The following EXOC1 variants were observed in gnomAD, a reference collection of about 807,000 sequenced individuals.
EXOC1 encodes exocyst complex component 1, also known as SEC3-like 1.
In EXOC1, 67 loss-of-function variants were observed where a neutral mutation model predicts 107.7. The ratio of observed to expected loss-of-function variants is 0.62; its 90% confidence interval spans 0.51 to 0.76. The LOEUF is 0.76. Ranked by LOEUF, EXOC1 falls within the 30% of genes least tolerant of loss-of-function variation. The pLI is 0.00. For synonymous variants in EXOC1, 348 were observed against 353.5 expected (o/e 0.98, Z 0.17); for missense variants, 833 against 1,055.7 (o/e 0.79, Z 2.92).
At chr4:55,864,437 A>G (rs919271128) in intron 4 of EXOC1, 51 bp downstream of exon 4, 2 of 1,417,672 alleles carry the variant, frequency 1.4e-6, no homozygotes, top group Non-Finnish European at 1.9e-6. Flanking sequence ...CTTTAAGTGA[A>G]TATATAATTT....
At chr4:55,871,053 A>G in intron 6 of EXOC1, 48 bp from the exon 7 acceptor site, 1 of 1,599,602 alleles carries the variant, frequency 6.3e-7, no homozygotes, top group South Asian at 1.1e-5. Flanking sequence ...CTTGCCTGTA[A>G]ATTTCCCAAA....
At chr4:55,886,164 T>C (rs1388758721) in intron 10 of EXOC1, among the ~76,000 whole-genome samples, 9 of 152,194 alleles carry the variant, frequency 5.9e-5, no homozygotes, top group African/African-American at 1.9e-4. Context: ...GTTTTCACCA[T>C]GTTTAAGGTA....
chr4:55,892,528 A>T, intron 13 of EXOC1, 107 bp from the exon 14 acceptor site: 2 of 812,234 alleles, frequency 2.5e-6, no homozygotes, highest in South Asian at 1.6e-5. Flanking sequence ...TATTTTTCAT[A>T]ATGTATTCTT....
At chr4:55,863,905 T>C (rs1387676097) in intron 3 of EXOC1, among the ~76,000 whole-genome samples, 3 of 152,174 alleles carry the variant, frequency 2.0e-5, no homozygotes, top group Non-Finnish European at 4.4e-5. Context: ...TAGGTCCATG[T>C]CAAAGCTAGA....
In EXOC1 at chr4:55,891,352, G is replaced by A. The variant is rs199752108; in HGVS notation, c.1577G>A (p.Cys526Tyr). ...GTACTAAGTGAACTGGAGCCCCTATGTCTGGCAGAACAGGACTTCATAAGT... is the reference window on the plus strand; with the variant it reads ...GTACTAAGTGAACTGGAGCCCCTATATCTGGCAGAACAGGACTTCATAAGT... ...EQVLSELEPL[C>Y]LAEQDFISKF... is the part of the protein sequence containing the mutation. The change falls in exon 13 of 19, where the codon TGT becomes TAT. Residue 526 changes from cysteine (C) to tyrosine (Y), a missense_variant. Cys to Tyr is a radical substitution (Grantham distance 194). Around this residue, in one of 2 missense-constraint regions of EXOC1, gnomAD observed 617 missense variants for 701.3 expected, o/e 0.88. Transcript: ENST00000381295. The A allele has an allele frequency of 6.2e-7, 1 of 1,613,986 alleles. No homozygotes were observed. The highest frequency in any genetic ancestry group is 2.2e-5 in the East Asian group (1 of 44,830).
intron 16 of EXOC1, among the ~76,000 whole-genome samples, chr4:55,897,408 C>T (rs2109491636): frequency 6.6e-6 from 1 of 152,180 alleles, no homozygotes; most frequent in East Asian, 1.9e-4. Flanking sequence ...TAACCTTAAG[C>T]AAATCAATTC....
chr4:55,870,864 A>G lies in EXOC1; in HGVS notation c.790A>G (p.Thr264Ala). ...CAACCACCTAATTCATCTTAGTAAC[A>G]CTAATAATGTAAAACTCCTATCTGA... ...ESNHLIHLSN[T>A]NNVKLLSEIE... Residue 264 changes from threonine (T) to alanine (A), a missense_variant, in exon 6 of 19, where the codon ACT (threonine) becomes GCT (alanine). This residue lies in a region of EXOC1 where 617 missense variants were observed against 701.3 expected (regional missense o/e 0.88). Coordinates refer to ENST00000381295, the MANE Select transcript of EXOC1 (RefSeq NM_001024924.2). 6.2e-7 allele frequency: 1 copy of G among 1,613,880 alleles called. No homozygotes were observed. Among genetic ancestry groups the G allele is most frequent in the Non-Finnish European group, 8.5e-7 (1 of 1,179,880 alleles).
At chr4:55,892,902 C>T (rs1238233016) in intron 14 of EXOC1, among the ~76,000 whole-genome samples, 191 bp downstream of exon 14, 1 of 152,110 alleles carries the variant, frequency 6.6e-6, no homozygotes, top group Non-Finnish European at 1.5e-5. Context: ...TTCAACTCTT[C>T]CTTGCTCCAG....
chr4:55,898,003 C>T (rs965557541), intron 16 of EXOC1, among the ~76,000 whole-genome samples: 4 of 152,134 alleles, frequency 2.6e-5, no homozygotes, highest in African/African-American at 7.2e-5. Context: ...CACCTGTAAT[C>T]GCAGCACTTT....
At chr4:55,877,420 A>G (rs761009672) in intron 8 of EXOC1, 15 of 985,302 alleles carry the variant, frequency 1.5e-5, no homozygotes, top group Non-Finnish European at 1.8e-5. Flanking sequence ...TAAGACTCAG[A>G]TGACCAAGGT....
intron 3 of EXOC1, 124 bp downstream of exon 3, chr4:55,860,665 G>A: frequency 7.9e-7 from 1 of 1,260,826 alleles, no homozygotes; most frequent in East Asian, 2.8e-5. Flanking sequence ...TTATTTTTTT[G>A]CTTTTTTTAA....
At chr4:55,864,907 G>T (rs1406759613) in intron 4 of EXOC1, among the ~76,000 whole-genome samples, 7 of 152,140 alleles carry the variant, frequency 4.6e-5, no homozygotes, top group African/African-American at 7.2e-5. Flanking sequence ...AGATGTAGTG[G>T]TTAAGAACAT....
chr4:55,876,623 G>A, intron 8 of EXOC1: 1 of 985,332 alleles, frequency 1.0e-6, no homozygotes, highest in African/African-American at 1.7e-5. Context: ...TGTGGTAGCT[G>A]TGAACTTCTG....
Position 55,860,341 on chromosome 4 carries a change from T to TG in EXOC1, c.125-69dup. 2.5e-6 allele frequency: 4 copies of TG among 1,587,456 alleles called. No homozygotes were observed. In the South Asian group the frequency reaches 4.5e-5, roughly 18 times the overall value. On this transcript the variant is annotated intron_variant, in intron 2 of 18. Coordinates refer to ENST00000381295, the MANE Select transcript of EXOC1 (RefSeq NM_001024924.2). ...CTACTAGGCACCTGAAAGCTATACT[T>TG]GCAATGAGTGAATGAAGAATGAGTG...
chr4:55,893,441 A>G, intron 14 of EXOC1, 111 bp from the exon 15 acceptor site: 7 of 975,290 alleles, frequency 7.2e-6, no homozygotes, highest in South Asian at 5.0e-5. Flanking sequence ...TTTAATTGAA[A>G]TTTAATTATG....
chr4:55,896,158 A>T (rs994807279), intron 15 of EXOC1, among the ~76,000 whole-genome samples: 2 of 151,924 alleles, frequency 1.3e-5, no homozygotes, highest in Non-Finnish European at 2.9e-5. Flanking sequence ...GTTTTGTTTC[A>T]TTTTATTTTT....
At position 55,899,713 on chromosome 4, in the gene EXOC1, G is replaced by A. The variant is rs760179110; in HGVS notation, c.2166G>A (p.Lys722=). The change falls in exon 17 of 19, where the codon AAG becomes AAA. Residue 722 remains lysine, a synonymous_variant. Coordinates refer to ENST00000381295, the MANE Select transcript of EXOC1 (RefSeq NM_001024924.2). ...AGAAAGTAGCAAATGAAAGCCAGAA[G>A]ACCCCCAGGGATGTGGTTATGATGG... ...NVEKVANESQ[K]TPRDVVMMEN... 2 of 1,611,938 alleles carry A rather than the reference G, an allele frequency of 1.2e-6. No homozygotes were observed. The highest frequency in any genetic ancestry group is 1.7e-4 in the Middle Eastern group (1 of 6,042).
At position 55,903,154 on chromosome 4, in the gene EXOC1, AAAAAAAAAAAGAAAGAAAG is replaced by A. The variant is rs199977798; in HGVS notation, c.2532+620_2532+638del. Among the ~76,000 whole-genome samples the A allele has an allele frequency of 8.3e-5, 12 of 144,626 alleles. No individual in the cohort carries two copies. In the East Asian group the frequency reaches 2.4e-3, roughly 29 times the overall value. The allele number at this position is 144,626 out of a possible 152,430, so 94.9% of individuals were successfully genotyped here. A position where few individuals can be genotyped will look rare whatever the true frequency, so the allele number is the denominator to read the frequency against. On this transcript the variant is annotated intron_variant, in intron 18 of 18. Transcript: ENST00000381295. ...GTGAGGCCGTGTCTCAATTAAAAAA[AAAAAAAAAAAGAAAGAAAG>A]AAAGAAAAAGAAAGAAAGAGAAAGA...
intron 15 of EXOC1, 96 bp downstream of exon 15, chr4:55,893,876 G>A (rs1724868827): frequency 2.0e-6 from 2 of 1,004,950 alleles, no homozygotes; most frequent in Non-Finnish European, 2.9e-6. Flanking sequence ...GCTTTCTGTT[G>A]GGGAATCTGT....
Sources: gnomAD v4.1 joint callset for allele counts (sites outside exome capture counted in the v4.1 genomes callset) on GRCh38, gnomAD v4.1.1 for gene constraint, gnomAD v4.1.1 regional missense constraint, MANE v1.5 for transcripts, NCBI Gene and HGNC (gene_info 2026-07-23, HGNC 2026-07-21) for gene names.